Variants in AKAP9 observed in about 807,000 individuals in gnomAD.
AKAP9 encodes the protein A-kinase anchoring protein 9.
A neutral mutation model predicts 488.5 loss-of-function variants in AKAP9; 311 were observed. The observed-to-expected ratio is 0.64, with a 90% CI of 0.58 to 0.70. The LOEUF (loss-of-function observed/expected upper bound fraction) is 0.70. Among genes scored for constraint, AKAP9 ranks in the 30% least tolerant of loss-of-function variants. AKAP9 has a pLI of 0.00. For missense variants in AKAP9, 4,215 were observed against 4,374.5 expected, an observed-to-expected ratio of 0.96 and a Z score of 1.03; for synonymous variants, 1,462 against 1,483.5, an observed-to-expected ratio of 0.99 and a Z score of 0.33.
At chr7:91,979,609 T>C (rs1796136018) in intron 2 of AKAP9, among the ~76,000 whole-genome samples, 1 of 152,190 alleles carries the variant, frequency 6.6e-6, no homozygotes, top group Admixed American at 6.5e-5. Context: ...CTCATATACT[T>C]ATGATAAAGT....
At chr7:92,086,538 A>C in intron 37 of AKAP9, 122 bp downstream of exon 37, 1 of 770,052 alleles carries the variant, frequency 1.3e-6, no homozygotes, top group Non-Finnish European at 2.1e-6. Context: ...AATATTTTAA[A>C]AAAATTATTG....
intron 45 of AKAP9, 38 bp downstream of exon 45, chr7:92,101,094 CTA>C (rs1232664713): frequency 1.3e-6 from 2 of 1,588,488 alleles, no homozygotes; most frequent in Middle Eastern, 4.3e-4. Flanking sequence ...ACAGCTGGTT[CTA>C]TGTTTTTGCC....
chr7:92,097,812 G>A lies in AKAP9; in HGVS notation c.10607+18G>A. 1 of 1,611,680 alleles carries A rather than the reference G, an allele frequency of 6.2e-7. No individual in the cohort carries two copies. The highest frequency in any genetic ancestry group is 8.5e-7 in the Non-Finnish European group (1 of 1,177,856). On this transcript the variant is annotated intron_variant, in intron 42 of 49. Transcript: ENST00000356239. ...TCTGAGAGGTTAGACTTTTCTGCCT[G>A]ATCTTTGGGAAAGTAGTATTCTTAG...
intron 14 of AKAP9, among the ~76,000 whole-genome samples, chr7:92,024,234 A>T (rs1320794732): frequency 6.6e-6 from 1 of 151,566 alleles, no homozygotes; most frequent in Admixed American, 6.6e-5. Flanking sequence ...CAATATGGCA[A>T]ACCTCCATCT....
intron 1 of AKAP9, among the ~76,000 whole-genome samples, chr7:91,952,770 T>A (rs985453089): frequency 6.6e-6 from 1 of 152,210 alleles, no homozygotes; most frequent in African/African-American, 2.4e-5. Flanking sequence ...TTAAGGAGAT[T>A]GGATTATATC....
At chr7:92,054,662 C>T (rs2130808055) in intron 22 of AKAP9, among the ~76,000 whole-genome samples, 1 of 152,114 alleles carries the variant, frequency 6.6e-6, no homozygotes, top group East Asian at 1.9e-4. Context: ...GAGTTATTTA[C>T]TTTAGATATT....
intron 34 of AKAP9, 41 bp from the exon 35 acceptor site, chr7:92,084,778 A>ATTT: frequency 8.0e-7 from 1 of 1,252,032 alleles, no homozygotes; most frequent in Non-Finnish European, 1.1e-6. Context: ...CTGGGGTTTG[A>ATTT]TTTTTTTTTT....
chr7:91,952,028 A>G (rs1029634966), intron 1 of AKAP9, among the ~76,000 whole-genome samples: 19 of 152,200 alleles, frequency 1.2e-4, no homozygotes, highest in Non-Finnish European at 2.2e-4. Flanking sequence ...TTCATCCTAT[A>G]TATTGTCACT....
At chr7:92,004,182 T>G (rs1385719606) in intron 8 of AKAP9, among the ~76,000 whole-genome samples, 2 of 152,334 alleles carry the variant, frequency 1.3e-5, no homozygotes, top group East Asian at 3.9e-4. Context: ...TTGGTACCAG[T>G]ACCATGCTGT....
In AKAP9 at chr7:92,049,559, G is replaced by A. The variant is rs557151518; in HGVS notation, c.5369-3167G>A. On this transcript the variant is annotated intron_variant, in intron 21 of 49. Coordinates refer to ENST00000356239, the MANE Select transcript of AKAP9 (RefSeq NM_005751.5). ...CCCGGAGGCGGAGCTTTCAGTGAGC[G>A]GAGATCCAGCTACTGCACTCCAGCC... Among the ~76,000 whole-genome samples, 80 of 151,986 alleles carry A rather than the reference G, an allele frequency of 5.3e-4. 1 individual carries two copies. The highest frequency in any genetic ancestry group is 4.5e-3 in the Admixed American group (69 of 15,270).
At chr7:92,004,695 T>C (rs1799590805) in intron 8 of AKAP9, among the ~76,000 whole-genome samples, 1 of 152,236 alleles carries the variant, frequency 6.6e-6, no homozygotes, top group East Asian at 1.9e-4. Flanking sequence ...TGAAGTTGCT[T>C]ATCAGCTTAA....
At chr7:92,091,586 A>AG (rs1370784859) in intron 38 of AKAP9, among the ~76,000 whole-genome samples, 5 of 80,852 alleles carry the variant, frequency 6.2e-5, no homozygotes, top group African/African-American at 2.4e-4. Flanking sequence ...ACTCTGTCTC[A>AG]AAAAAAAAAA....
chr7:91,982,174 T>C (rs185906532), intron 3 of AKAP9, among the ~76,000 whole-genome samples: 18 of 139,890 alleles, frequency 1.3e-4, no homozygotes, highest in South Asian at 1.3e-3. Flanking sequence ...TACGTATGTA[T>C]GTATGTATGT....
chr7:92,061,164 A>G (rs1481074213), intron 22 of AKAP9, 96 bp from the exon 23 acceptor site: 2 of 1,402,296 alleles, frequency 1.4e-6, no homozygotes, highest in Non-Finnish European at 9.9e-7. Context: ...GTATATCTTT[A>G]TTTTAAAATC....
At chr7:91,946,084 C>CA (rs987405422) in intron 1 of AKAP9, among the ~76,000 whole-genome samples, 3 of 151,590 alleles carry the variant, frequency 2.0e-5, no homozygotes, top group South Asian at 2.1e-4. Flanking sequence ...CAATTGTGTA[C>CA]AAAAAAAAGG....
chr7:91,971,332 A>T (rs1795047074), intron 1 of AKAP9, among the ~76,000 whole-genome samples: 1 of 152,092 alleles, frequency 6.6e-6, no homozygotes, highest in South Asian at 2.1e-4. Context: ...ATTTATAAAA[A>T]ACTTTTAATC....
rs939803784 is a variant in AKAP9, at chr7:92,040,681, A to G, written c.4700A>G (p.Asp1567Gly). ...KTFIVRQSIHDEISVSSMDAS... is the reference protein window; with the variant it reads ...KTFIVRQSIHGEISVSSMDAS... ...TTTTTTTTACTATTAAAGATTCATG[A>G]TGAGATTTCAGTGTCAAGCATGGAT... Residue 1567 changes from aspartate to glycine, a missense_variant, in exon 18 of 50, where the codon GAT (aspartate) becomes GGT (glycine). This residue lies in a region of AKAP9 where 2,361 missense variants were observed against 2,430.0 expected (regional missense o/e 0.97). Transcript: ENST00000356239. 1.4e-6 allele frequency: 2 copies of G among 1,429,288 alleles called. No individual in the cohort carries two copies. Among genetic ancestry groups the G allele is most frequent in the African/African-American group, 2.9e-5 (2 of 68,630 alleles). The allele number at this position is 1,429,288 out of a possible 1,614,324, so 88.5% of individuals were successfully genotyped here.
chr7:91,984,817 T>A (rs1027882720), intron 3 of AKAP9, among the ~76,000 whole-genome samples: 8 of 152,156 alleles, frequency 5.3e-5, no homozygotes. Flanking sequence ...TGAGCAGTGG[T>A]TTGTAGTTCT....
Position 92,086,336 on chromosome 7 carries a change from T to C in AKAP9, c.9133T>C (p.Phe3045Leu). Residue 3045 changes from phenylalanine (F) to leucine (L), a missense_variant, in exon 37 of 50, where the codon TTT (phenylalanine) becomes CTT (leucine). Phe to Leu is a conservative substitution (Grantham distance 22). Around this residue, in one of 5 missense-constraint regions of AKAP9, gnomAD observed 1,476 missense variants for 1,477.4 expected, o/e 1.00. Transcript: ENST00000356239. ...AGAGCGTAGTGTTTTACTAGCAGCA[T>C]TTCGGACGGAGCTGACAGCTCTAGG... is the stretch of plus-strand genomic sequence containing the variant. ...LEERSVLLAA[F>L]RTELTALGTT... is the part of the protein sequence containing the mutation. 6.2e-7 allele frequency: 1 copy of C among 1,614,056 alleles called. No homozygotes were observed. Among genetic ancestry groups the C allele is most frequent in the Admixed American group, 1.7e-5 (1 of 60,020 alleles).
Sources: allele counts gnomAD v4.1 joint callset (sites outside exome capture counted in the v4.1 genomes callset), GRCh38; gene constraint gnomAD v4.1.1; regional missense constraint gnomAD v4.1.1; transcripts MANE v1.5; gene names NCBI Gene and HGNC (gene_info 2026-07-23, HGNC 2026-07-21).